The following DMRT1 variants were observed in gnomAD, a reference collection of about 807,000 sequenced individuals.
The protein encoded by DMRT1 is doublesex- and mab-3-related transcription factor 1.
In DMRT1, 7 loss-of-function variants were observed where a neutral mutation model predicts 32.3. That is an observed-to-expected ratio of 0.22 (90% confidence interval 0.12 to 0.41). The LOEUF (loss-of-function observed/expected upper bound fraction) is 0.41, where lower values mean the gene tolerates loss of function less well. Ranked by LOEUF, DMRT1 falls within the 10% of genes least tolerant of loss-of-function variation. DMRT1 has a pLI of 1.00. For missense variants in DMRT1, 625 were observed against 500.5 expected (o/e 1.25, Z -2.37); for synonymous variants, 278 against 206.1 (o/e 1.35, Z -2.99).
At chr9:905,641 C>G (rs1029597548) in intron 3 of DMRT1, among the ~76,000 whole-genome samples, 1 of 152,052 alleles carries the variant, frequency 6.6e-6, no homozygotes, top group Non-Finnish European at 1.5e-5. Flanking sequence ...TTGCGGTGCC[C>G]CGTTCTCCCG....
intron 4 of DMRT1, among the ~76,000 whole-genome samples, chr9:930,904 A>T (rs1326066515): frequency 6.6e-6 from 1 of 152,202 alleles, no homozygotes; most frequent in Non-Finnish European, 1.5e-5. Flanking sequence ...TCATCCTTTT[A>T]AAATGTATGA....
intron 2 of DMRT1, among the ~76,000 whole-genome samples, chr9:888,667 ATC>A (rs987976660): frequency 1.5e-3 from 221 of 151,758 alleles, no homozygotes; most frequent in African/African-American, 4.5e-3. Context: ...GCATGAAGGT[ATC>A]TCATATTTTT....
intron 2 of DMRT1, among the ~76,000 whole-genome samples, chr9:884,309 A>G (rs1264728361): frequency 4.6e-5 from 7 of 151,418 alleles, no homozygotes; most frequent in Admixed American, 4.0e-4. Flanking sequence ...GGTATTTATC[A>G]TGTGCAGGTA....
At chr9:850,300 G>C (rs1316495663) in intron 2 of DMRT1, among the ~76,000 whole-genome samples, 1 of 152,134 alleles carries the variant, frequency 6.6e-6, no homozygotes, top group Non-Finnish European at 1.5e-5. Flanking sequence ...TATAGAGACA[G>C]AAAGATGGAG....
intron 4 of DMRT1, among the ~76,000 whole-genome samples, chr9:934,454 C>T (rs1423834756): frequency 1.3e-5 from 2 of 152,032 alleles, no homozygotes; most frequent in Non-Finnish European, 2.9e-5. Flanking sequence ...TCACTTGAGC[C>T]CAGGAGTTTG....
chr9:951,707 G>T (rs1819432527), intron 4 of DMRT1, among the ~76,000 whole-genome samples: 3 of 152,144 alleles, frequency 2.0e-5, no homozygotes, highest in Admixed American at 2.0e-4. Context: ...ATTGAGGGAG[G>T]GTATAAGTTG....
intron 4 of DMRT1, among the ~76,000 whole-genome samples, chr9:942,991 C>T (rs555818195): frequency 6.6e-6 from 1 of 152,104 alleles, no homozygotes; most frequent in African/African-American, 2.4e-5. Context: ...CACCCCTCCC[C>T]CCAACCCTAT....
At chr9:892,625 G>C (rs546810360) in intron 2 of DMRT1, among the ~76,000 whole-genome samples, 12 of 152,204 alleles carry the variant, frequency 7.9e-5, no homozygotes, top group African/African-American at 2.6e-4. Flanking sequence ...AGGTCTTTCT[G>C]CCTCTGATCT....
intron 2 of DMRT1, among the ~76,000 whole-genome samples, chr9:876,912 G>T (rs578053174): frequency 2.4e-4 from 30 of 123,076 alleles, no homozygotes; most frequent in African/African-American, 1.1e-3. Context: ...CAAGTGTGAG[G>T]TCTCAGAAGA....
chr9:931,767 A>G (rs920475144), intron 4 of DMRT1, among the ~76,000 whole-genome samples: 25 of 152,234 alleles, frequency 1.6e-4, no homozygotes, highest in Non-Finnish European at 3.1e-4. Context: ...AACCCCAGTT[A>G]TCTCCCTAAA....
intron 4 of DMRT1, among the ~76,000 whole-genome samples, chr9:949,392 C>A (rs150698887): frequency 6.6e-6 from 1 of 151,912 alleles, no homozygotes; most frequent in Non-Finnish European, 1.5e-5. Flanking sequence ...AAAAAACCCA[C>A]AAAAAACTTT....
chr9:856,157 T>A (rs1815391682), intron 2 of DMRT1, among the ~76,000 whole-genome samples: 1 of 152,076 alleles, frequency 6.6e-6, no homozygotes, highest in African/African-American at 2.4e-5. Context: ...CCTCAAGTGA[T>A]CCACCCGCCT....
In DMRT1 at chr9:846,966, C is replaced by T. The variant is rs780597311; in HGVS notation, c.361C>T (p.Leu121=). 1.7e-5 allele frequency: 27 copies of T among 1,614,130 alleles called. No homozygotes were observed. The highest frequency in any genetic ancestry group is 1.7e-4 in the Middle Eastern group (1 of 6,060). The change falls in exon 2 of 5, where the codon CTG becomes TTG. Residue 121 remains leucine (L), a synonymous_variant. Transcript: ENST00000382276. ...CATTGTCGTGTGCTTCCAGGTGGCC[C>T]TGAGAAGGCAGCAGGCCCAGGAGGA... The part of the protein sequence containing the change: ...RQRVMAAQVA[L]RRQQAQEEEL...
chr9:897,041 C>A (rs1010668281), intron 3 of DMRT1, among the ~76,000 whole-genome samples: 3 of 151,554 alleles, frequency 2.0e-5, no homozygotes, highest in African/African-American at 7.3e-5. Flanking sequence ...TTTTAATCCC[C>A]TGAGCTACAA....
At chr9:872,518 A>G (rs867431170) in intron 2 of DMRT1, among the ~76,000 whole-genome samples, 4 of 152,122 alleles carry the variant, frequency 2.6e-5, no homozygotes, top group Admixed American at 6.5e-5. Context: ...CCACTAGCCT[A>G]CTTTCTATCT....
chr9:858,018 G>C (rs1045001964), intron 2 of DMRT1, among the ~76,000 whole-genome samples: 6 of 151,940 alleles, frequency 3.9e-5, no homozygotes, highest in African/African-American at 1.5e-4. Context: ...TCTTAATCCA[G>C]TCTATTATTG....
At chr9:879,297 GA>G (rs914052451) in intron 2 of DMRT1, among the ~76,000 whole-genome samples, 5 of 150,318 alleles carry the variant, frequency 3.3e-5, no homozygotes, top group South Asian at 2.1e-4. Flanking sequence ...ATTGAGAAAT[GA>G]AAAAAAAATT....
At chr9:912,026 T>C (rs1226018624) in intron 3 of DMRT1, among the ~76,000 whole-genome samples, 1 of 151,790 alleles carries the variant, frequency 6.6e-6, no homozygotes, top group Non-Finnish European at 1.5e-5. Context: ...AAAAAAGAGG[T>C]CTAATTAACT....
chr9:894,403 C>G, intron 3 of DMRT1: 2 of 624,712 alleles, frequency 3.2e-6, no homozygotes, highest in South Asian at 3.6e-5. Flanking sequence ...ATTTTTTACT[C>G]TGTCAATAAT....
Sources: allele counts gnomAD v4.1 joint callset (sites outside exome capture counted in the v4.1 genomes callset), GRCh38; gene constraint gnomAD v4.1.1; transcripts MANE v1.5; gene names NCBI Gene and HGNC (gene_info 2026-07-23, HGNC 2026-07-21).